The following LDAH variants were observed in gnomAD, a reference collection of about 807,000 sequenced individuals.
LDAH encodes the protein lipid droplet associated hydrolase.
A neutral mutation model predicts 29.6 loss-of-function variants in LDAH; 26 were observed. That is an observed-to-expected ratio of 0.88 (90% confidence interval 0.64 to 1.22). The LOEUF (loss-of-function observed/expected upper bound fraction) is 1.22, where lower values mean the gene tolerates loss of function less well. Ranked by LOEUF, LDAH falls within the 50% of genes most tolerant of loss-of-function variation. The probability of loss-of-function intolerance (pLI) is 0.00; values close to 1 mark genes in which losing one functional copy is unlikely to be tolerated. For missense variants in LDAH, 344 were observed against 387.3 expected, an observed-to-expected ratio of 0.89 and a Z score of 0.94; for synonymous variants, 117 against 133.0, an observed-to-expected ratio of 0.88 and a Z score of 0.83.
At chr2:20,733,308 G>A (rs146605629) in intron 5 of LDAH, among the ~76,000 whole-genome samples, 95 of 151,568 alleles carry the variant, frequency 6.3e-4, no homozygotes, top group South Asian at 1.2e-3. Context: ...ATGGCTTACC[G>A]CAGCCTTGGC....
At chr2:20,777,154 T>A (rs1669873991) in intron 3 of LDAH, among the ~76,000 whole-genome samples, 1 of 152,194 alleles carries the variant, frequency 6.6e-6, no homozygotes, top group Non-Finnish European at 1.5e-5. Context: ...ATTTACATGG[T>A]TAGAGCAAAG....
At chr2:20,726,290 A>G (rs1331558151) in intron 5 of LDAH, among the ~76,000 whole-genome samples, 4 of 152,232 alleles carry the variant, frequency 2.6e-5, no homozygotes. Flanking sequence ...CTCCTAGCAC[A>G]TATTCTGACT....
At chr2:20,757,488 T>G (rs545511742) in intron 4 of LDAH, among the ~76,000 whole-genome samples, 10 of 152,310 alleles carry the variant, frequency 6.6e-5, no homozygotes, top group African/African-American at 2.4e-4. Flanking sequence ...GATTCTAATA[T>G]TGTTTTACTA....
intron 4 of LDAH, among the ~76,000 whole-genome samples, chr2:20,772,106 AAG>A (rs1669474021): frequency 6.6e-6 from 1 of 152,200 alleles, no homozygotes; most frequent in African/African-American, 2.4e-5. Flanking sequence ...TGGGCCCAAA[AAG>A]AGAGAAAGGT....
chr2:20,783,333 A>T lies in LDAH; in HGVS notation c.298+6922T>A, dbSNP rs572234375. Among the ~76,000 whole-genome samples, 250 of 152,324 alleles carry T rather than the reference A, an allele frequency of 1.6e-3. 2 individuals are homozygous for T. Among genetic ancestry groups the T allele is most frequent in the African/African-American group, 5.9e-3 (246 of 41,574 alleles). On this transcript the variant is annotated intron_variant, in intron 3 of 6. Transcript: ENST00000237822. ...AATGTCAATTAAATAAAGTTGACTG[A>T]AGGTGCAATTCAGTTCAACTATATC...
chr2:20,791,113 A>G (rs1359762002), intron 2 of LDAH, among the ~76,000 whole-genome samples: 5 of 152,170 alleles, frequency 3.3e-5, no homozygotes, highest in Admixed American at 6.5e-5. Flanking sequence ...ATGGCTCTGG[A>G]GCACTGATGT....
intron 2 of LDAH, among the ~76,000 whole-genome samples, chr2:20,793,099 T>C (rs1489737812): frequency 6.6e-6 from 1 of 152,154 alleles, no homozygotes; most frequent in Admixed American, 6.5e-5. Context: ...CCCTCAATTA[T>C]TTATTGAGCA....
chr2:20,773,753 G>A (rs897647375), intron 4 of LDAH, among the ~76,000 whole-genome samples: 7 of 152,202 alleles, frequency 4.6e-5, no homozygotes, highest in African/African-American at 1.7e-4. Context: ...AGCAGGTGAA[G>A]CTGGCAAGAA....
chr2:20,715,427 C>T (rs942899662), intron 5 of LDAH, among the ~76,000 whole-genome samples: 2 of 152,178 alleles, frequency 1.3e-5, no homozygotes, highest in African/African-American at 4.8e-5. Context: ...CAGTATCACA[C>T]TGAATGGGCA....
chr2:20,753,993 G>A (rs1431823977), intron 4 of LDAH, among the ~76,000 whole-genome samples: 4 of 152,076 alleles, frequency 2.6e-5, no homozygotes, highest in Non-Finnish European at 4.4e-5. Context: ...TAAGAAGGAA[G>A]GTTCTTGCTT....
chr2:20,731,328 A>G (rs1255044775), intron 5 of LDAH, among the ~76,000 whole-genome samples: 1 of 152,152 alleles, frequency 6.6e-6, no homozygotes, highest in Admixed American at 6.5e-5. Context: ...CTGGTTGTTT[A>G]AAGTGTGTGG....
At chr2:20,769,028 T>C (rs899271763) in intron 4 of LDAH, among the ~76,000 whole-genome samples, 2 of 152,136 alleles carry the variant, frequency 1.3e-5, no homozygotes, top group Admixed American at 1.3e-4. Flanking sequence ...TCCATCTCTA[T>C]CAACCTTGAA....
At chr2:20,735,025 C>T (rs1479573101) in intron 5 of LDAH, among the ~76,000 whole-genome samples, 1 of 152,106 alleles carries the variant, frequency 6.6e-6, no homozygotes, top group East Asian at 1.9e-4. Context: ...AATAATGTAC[C>T]GCTTTGCTCT....
intron 4 of LDAH, among the ~76,000 whole-genome samples, chr2:20,740,545 A>G (rs1267569068): frequency 6.6e-6 from 1 of 152,080 alleles, no homozygotes; most frequent in Non-Finnish European, 1.5e-5. Flanking sequence ...CTGGGATCAA[A>G]TGATTCTCCT....
At chr2:20,762,358 G>A (rs1668745373) in intron 4 of LDAH, among the ~76,000 whole-genome samples, 1 of 151,954 alleles carries the variant, frequency 6.6e-6, no homozygotes, top group Non-Finnish European at 1.5e-5. Flanking sequence ...TCATTATAAA[G>A]AAAAGCAGAA....
rs546066383 is a variant in LDAH at position 20,801,355 on chromosome 2, C to T, written c.109G>A (p.Asp37Asn). The T allele has an allele frequency of 3.7e-6, 6 of 1,614,118 alleles. No homozygotes were observed. In the South Asian group the frequency reaches 6.6e-5, roughly 18 times the overall value. ...AGCTTAGGCCTTTTGACACTTTGAT[C>T]ATGAAAGAGGTCTGTCCAGGGCCCA... ...KCGPWTDLFH[D>N]QSVKRPKLLI... is the part of the protein sequence containing the mutation. Residue 37 changes from aspartate to asparagine, a missense_variant, in exon 2 of 7, where the codon GAT (aspartate) becomes AAT (asparagine). Physicochemically the swap from Asp to Asn is conservative, Grantham distance 23. Transcript: ENST00000237822.
At chr2:20,705,482 C>T (rs1241684114) in intron 5 of LDAH, among the ~76,000 whole-genome samples, 1 of 152,106 alleles carries the variant, frequency 6.6e-6, no homozygotes, top group Admixed American at 6.5e-5. Context: ...GTAATTTCTT[C>T]CCCTGTTTTC....
chr2:20,763,611 T>C (rs1361140338), intron 4 of LDAH, among the ~76,000 whole-genome samples: 1 of 152,220 alleles, frequency 6.6e-6, no homozygotes, highest in African/African-American at 2.4e-5. Flanking sequence ...AGTGATAAAA[T>C]GTGTTGGGCA....
rs1291726194 is a variant in LDAH, at chr2:20,698,849, G to A, written c.786+2721C>T. On this transcript the variant is annotated intron_variant, in intron 6 of 6. Coordinates refer to ENST00000237822, the MANE Select transcript of LDAH (RefSeq NM_021925.4). This position sits in a 1 kb window ranked among gnomAD's most constrained non-coding sequence, Gnocchi z 4.4. ...TGTATAAAGTCACTGGACCTCAGAA[G>A]GAGGATAATCAGCTCAACAGATCTT... is the stretch of plus-strand genomic sequence containing the variant. Among the ~76,000 whole-genome samples the A allele has an allele frequency of 6.6e-6, 1 of 152,164 alleles. No homozygotes were observed. The highest frequency in any genetic ancestry group is 1.9e-4 in the East Asian group (1 of 5,196).
Sources: allele counts gnomAD v4.1 joint callset (sites outside exome capture counted in the v4.1 genomes callset), GRCh38; gene constraint gnomAD v4.1.1; non-coding constraint Gnocchi (gnomAD v3.1); transcripts MANE v1.5; gene names NCBI Gene and HGNC (gene_info 2026-07-23, HGNC 2026-07-21).